The following RBFOX1 variants were observed in gnomAD, a reference collection of about 807,000 sequenced individuals.
The protein encoded by RBFOX1 is RNA binding protein fox-1 homolog 1.
A neutral mutation model predicts 57.7 loss-of-function variants in RBFOX1; 8 were observed. The observed-to-expected ratio is 0.14, with a 90% CI of 0.08 to 0.25. RBFOX1 has a LOEUF of 0.25. RBFOX1 is among the 10% of genes least tolerant of loss of function. The pLI is 1.00. For synonymous variants in RBFOX1, 326 were observed against 222.4 expected, an observed-to-expected ratio of 1.47 and a Z score of -4.15; for missense variants, 611 against 548.5, an observed-to-expected ratio of 1.11 and a Z score of -1.14.
chr16:5,601,005 C>T (rs1040940892), downstream of RBFOX1, among the ~76,000 whole-genome samples: 315 of 152,276 alleles, frequency 2.1e-3, 2 homozygotes, highest in East Asian at 5.8e-4. Flanking sequence ...CAGTGGAGTA[C>T]CAGGAGTCTT....
Position 7,019,979 on chromosome 16 carries a change from CT to C in RBFOX1, c.-15-32064del, listed in dbSNP as rs60617980. The stretch of plus-strand genomic sequence containing the variant: ...TATATTCCCTTTCTTCTGGCTCTCT[CT>C]TTTTTTTTTTTTTCTCTGATGAAGT... On this transcript the variant is annotated intron_variant, in intron 3 of 15. Transcript: ENST00000550418. Among the ~76,000 whole-genome samples, 322 of 143,524 alleles carry C rather than the reference CT, an allele frequency of 2.2e-3. 1 individual carries two copies. Among genetic ancestry groups the C allele is most frequent in the East Asian group, 3.6e-3 (18 of 4,984 alleles). The allele number at this position is 143,524 out of a possible 152,430, so 94.2% of individuals were successfully genotyped here. A position where few individuals can be genotyped will look rare whatever the true frequency, so the allele number is the denominator to read the frequency against.
chr16:7,611,784 G>A (rs1025397057), intron 10 of RBFOX1, among the ~76,000 whole-genome samples: 4 of 152,026 alleles, frequency 2.6e-5, no homozygotes, highest in Admixed American at 6.5e-5. Flanking sequence ...CATTGAGAAC[G>A]TTCTAATGTA....
chr16:5,703,982 C>T (rs28608682), intron 3 of RBFOX1, among the ~76,000 whole-genome samples: 7 of 152,090 alleles, frequency 4.6e-5, no homozygotes, highest in African/African-American at 2.4e-5. Flanking sequence ...CCCCTCAAAT[C>T]GTTACATGGT....
chr16:7,227,277 C>T (rs1437161213), intron 4 of RBFOX1, among the ~76,000 whole-genome samples: 2 of 102,892 alleles, frequency 1.9e-5, no homozygotes, highest in Non-Finnish European at 2.6e-5. Flanking sequence ...ACATACCACA[C>T]ACACCCCACC....
intron 4 of RBFOX1, among the ~76,000 whole-genome samples, chr16:7,473,231 A>T (rs926619790): frequency 3.9e-5 from 6 of 151,936 alleles, no homozygotes; most frequent in African/African-American, 1.5e-4. Flanking sequence ...CACAAAAACT[A>T]GCTGGGCATG....
intron 1 of RBFOX1, among the ~76,000 whole-genome samples, chr16:5,393,277 T>G (rs1197430957): frequency 6.6e-6 from 1 of 152,144 alleles, no homozygotes; most frequent in African/African-American, 2.4e-5. Context: ...CCACAATTAG[T>G]CATTCATCAC....
chr16:7,038,646 C>T (rs1022541423), intron 3 of RBFOX1, among the ~76,000 whole-genome samples: 10 of 152,148 alleles, frequency 6.6e-5, no homozygotes, highest in African/African-American at 2.2e-4. Flanking sequence ...AGACCAGCAT[C>T]AAGCCTGAAG....
chr16:6,307,314 C>G lies in RBFOX1; in HGVS notation c.-126-9681C>G, dbSNP rs960255616. Among the ~76,000 whole-genome samples the G allele has an allele frequency of 2.6e-5, 4 of 151,942 alleles. No individual in the cohort carries two copies. In the East Asian group the frequency reaches 7.7e-4, roughly 29 times the overall value. ...AGGAGAATGGTGTGAACCCGGGAGG[C>G]GGAGCTTGCAGTGAGCCAAGATCGC... On this transcript the variant is annotated intron_variant, in intron 1 of 15. Transcript: ENST00000550418.
At chr16:6,941,295 C>CTT (rs1328377685) in intron 3 of RBFOX1, among the ~76,000 whole-genome samples, 250 of 81,820 alleles carry the variant, frequency 3.1e-3, no homozygotes, top group South Asian at 9.3e-3. Flanking sequence ...TCCTTCCCTC[C>CTT]CTCCCTCCTT....
At chr16:7,179,521 T>C (rs146410641) in intron 4 of RBFOX1, among the ~76,000 whole-genome samples, 1 of 152,302 alleles carries the variant, frequency 6.6e-6, no homozygotes, top group Non-Finnish European at 1.5e-5. Flanking sequence ...TAATTATGTT[T>C]GCTGTTAGAC....
intron 4 of RBFOX1, among the ~76,000 whole-genome samples, chr16:7,375,959 T>G (rs1007349869): frequency 5.9e-5 from 9 of 152,188 alleles, no homozygotes; most frequent in Non-Finnish European, 1.2e-4. Context: ...ATTCAAGAAC[T>G]AGAGCCATTG....
intron 2 of RBFOX1, among the ~76,000 whole-genome samples, chr16:6,431,515 G>A (rs2094084091): frequency 6.6e-6 from 1 of 151,998 alleles, no homozygotes; most frequent in South Asian, 2.1e-4. Flanking sequence ...TGCTCAGTTG[G>A]CAGGTGTCAG....
intron 3 of RBFOX1, among the ~76,000 whole-genome samples, chr16:7,044,138 C>T (rs1328351477): frequency 6.6e-6 from 1 of 152,056 alleles, no homozygotes; most frequent in Non-Finnish European, 1.5e-5. Flanking sequence ...CAGTGTCTGA[C>T]ATCCAGAAGG....
At chr16:7,492,207 C>A (rs548004406) in intron 4 of RBFOX1, among the ~76,000 whole-genome samples, 1 of 152,248 alleles carries the variant, frequency 6.6e-6, no homozygotes, top group South Asian at 2.1e-4. Context: ...AAATTCAGTT[C>A]TTTAAGATTC....
intron 3 of RBFOX1, among the ~76,000 whole-genome samples, chr16:7,001,211 T>G (rs1355186886): frequency 6.6e-6 from 1 of 152,152 alleles, no homozygotes; most frequent in African/African-American, 2.4e-5. Context: ...ATGTCCATTC[T>G]GAAGCTCTGT....
chr16:7,499,769 T>G (rs575058242), intron 4 of RBFOX1, among the ~76,000 whole-genome samples: 1 of 152,284 alleles, frequency 6.6e-6, no homozygotes, highest in South Asian at 2.1e-4. Flanking sequence ...AAATATTTAA[T>G]GTCGATCAGC....
intron 4 of RBFOX1, among the ~76,000 whole-genome samples, chr16:7,396,706 G>C (rs555050140): frequency 6.6e-6 from 1 of 152,328 alleles, no homozygotes. Context: ...TTGGGAGGCT[G>C]AGGTGGGTGG....
intron 2 of RBFOX1, among the ~76,000 whole-genome samples, chr16:6,359,923 A>C (rs1303144695): frequency 6.6e-6 from 1 of 152,192 alleles, no homozygotes; most frequent in Non-Finnish European, 1.5e-5. Flanking sequence ...TAGATCATTA[A>C]ATTAATGGGA....
intron 5 of RBFOX1, among the ~76,000 whole-genome samples, chr16:7,566,227 G>A (rs1183035454): frequency 6.6e-6 from 1 of 152,132 alleles, no homozygotes; most frequent in Non-Finnish European, 1.5e-5. Flanking sequence ...CAGGACTCTA[G>A]TAGTTCAAAC....
Sources: allele counts gnomAD v4.1 joint callset (sites outside exome capture counted in the v4.1 genomes callset), GRCh38; gene constraint gnomAD v4.1.1; transcripts MANE v1.5; gene names NCBI Gene and HGNC (gene_info 2026-07-23, HGNC 2026-07-21).